Variants in KMT5B observed in about 807,000 individuals in gnomAD.
KMT5B encodes the protein histone-lysine N-methyltransferase KMT5B.
Under a neutral mutation model 83.2 loss-of-function variants are expected in KMT5B, and 10 were observed. The observed-to-expected ratio is 0.12, with a 90% CI of 0.07 to 0.20. The LOEUF (loss-of-function observed/expected upper bound fraction) is 0.20, where lower values mean the gene tolerates loss of function less well. Ranked by LOEUF, KMT5B falls within the 10% of genes least tolerant of loss-of-function variation. KMT5B has a pLI of 1.00. For missense variants in KMT5B, 753 were observed against 1,067.2 expected, an observed-to-expected ratio of 0.71 and a Z score of 4.10; for synonymous variants, 349 against 388.8, an observed-to-expected ratio of 0.90 and a Z score of 1.20.
chr11:68,203,861 G>A (rs193283532), intron 1 of KMT5B, among the ~76,000 whole-genome samples: 396 of 151,730 alleles, frequency 2.6e-3, no homozygotes, highest in Non-Finnish European at 4.3e-3. Flanking sequence ...GAGCTGTCAC[G>A]CTAATTCAAA....
In KMT5B at chr11:68,158,498, T is replaced by C. The variant is rs922405902; in HGVS notation, c.1848A>G (p.Gln616=). 6.2e-7 allele frequency: 1 copy of C among 1,614,098 alleles called. No homozygotes were observed. Among genetic ancestry groups the C allele is most frequent in the Non-Finnish European group, 8.5e-7 (1 of 1,180,038 alleles). Reference sequence around the variant, plus strand: ...TTGCAAACTGTTTCACAAGTTTTCCTTGTCGTGACTTCTTTTTGGACATGC... The same window carrying C: ...TTGCAAACTGTTTCACAAGTTTTCCCTGTCGTGACTTCTTTTTGGACATGC... ...DTGMSKKKSR[Q]GKLVKQFAKI... Residue 616 remains glutamine, a synonymous_variant, in exon 11 of 11, where the codon CAA becomes CAG. Coordinates refer to ENST00000304363, the MANE Select transcript of KMT5B (RefSeq NM_017635.5).
chr11:68,201,918 C>CAAAAAAAAAAA (rs779662280), intron 1 of KMT5B, among the ~76,000 whole-genome samples: 1 of 82,936 alleles, frequency 1.2e-5, no homozygotes, highest in Non-Finnish European at 2.5e-5. Flanking sequence ...CAGTCTCTAC[C>CAAAAAAAAAAA]AAAAAAAAAA....
At chr11:68,188,399 C>A (rs1443007326) in intron 2 of KMT5B, among the ~76,000 whole-genome samples, 1 of 151,096 alleles carries the variant, frequency 6.6e-6, no homozygotes, top group East Asian at 1.9e-4. Context: ...TGCTGGAGTG[C>A]AGTGGTGTGA....
At chr11:68,186,068 A>T in intron 2 of KMT5B, 140 bp from the exon 3 acceptor site, 1 of 743,770 alleles carries the variant, frequency 1.3e-6, no homozygotes, top group Non-Finnish European at 2.1e-6. Context: ...GAATTTAATA[A>T]CCTTTGCATA....
At chr11:68,205,137 A>G (rs1859929013) in intron 1 of KMT5B, among the ~76,000 whole-genome samples, 2 of 147,232 alleles carry the variant, frequency 1.4e-5, no homozygotes, top group South Asian at 4.2e-4. Context: ...TGAGACCCTC[A>G]TCTCTACCAA....
chr11:68,158,552 C>A lies in KMT5B; in HGVS notation c.1794G>T (p.Gly598=). 1 of 1,614,194 alleles carries A rather than the reference C, an allele frequency of 6.2e-7. No individual in the cohort carries two copies. The highest frequency in any genetic ancestry group is 1.1e-5 in the South Asian group (1 of 91,080). Residue 598 remains glycine, a synonymous_variant, in exon 11 of 11, where the codon GGG becomes GGT. Transcript: ENST00000304363. ...TGTCACTCTTATGACACTTTGCCTC[C>A]CCTTTTTGTGCAGTCTCATGAGCCA... is the stretch of plus-strand genomic sequence containing the variant. ...EELAHETAQK[G]EAKCHKSDTG...
rs967990015 is a variant in KMT5B, at chr11:68,169,148, T to C, written c.977+1867A>G. Among the ~76,000 whole-genome samples, 3 of 152,252 alleles carry C rather than the reference T, an allele frequency of 2.0e-5. No individual in the cohort carries two copies. The South Asian group carries it at 6.2e-4, about 32-fold the overall frequency. The stretch of plus-strand genomic sequence containing the variant: ...AGGACTTACACACGTTTCTATCTAC[T>C]TCTCACACTAACCTTGTGGAGTAGG... On this transcript the variant is annotated intron_variant, in intron 9 of 10. Transcript: ENST00000304363.
At chr11:68,180,090 G>A in intron 4 of KMT5B, 42 bp downstream of exon 4, 1 of 1,546,310 alleles carries the variant, frequency 6.5e-7, no homozygotes, top group East Asian at 2.4e-5. Flanking sequence ...AGGCTAGAAT[G>A]GGTTAGTCAG....
chr11:68,212,939 C>A (rs1240823767), intron 1 of KMT5B, among the ~76,000 whole-genome samples, 199 bp downstream of exon 1: 5 of 145,434 alleles, frequency 3.4e-5, no homozygotes, highest in African/African-American at 2.5e-5. Context: ...CACTGCAGGC[C>A]CCGCGCCGGC....
At chr11:68,164,517 T>G (rs1855138326) in intron 10 of KMT5B, among the ~76,000 whole-genome samples, 1 of 152,214 alleles carries the variant, frequency 6.6e-6, no homozygotes, top group South Asian at 2.1e-4. Context: ...AGAACGCATG[T>G]AAGAACTCAA....
intron 1 of KMT5B, among the ~76,000 whole-genome samples, chr11:68,198,415 A>T (rs1451179784): frequency 1.3e-5 from 2 of 150,970 alleles, no homozygotes; most frequent in African/African-American, 4.9e-5. Flanking sequence ...AGAGGAAAGA[A>T]GATGAAGGAA....
intron 4 of KMT5B, 122 bp from the exon 5 acceptor site, chr11:68,175,305 T>C (rs1856246648): frequency 2.9e-6 from 2 of 684,888 alleles, no homozygotes; most frequent in Non-Finnish European, 4.8e-6. Flanking sequence ...AGAGCAAAGA[T>C]CTAAGAGAAG....
chr11:68,180,759 G>T (rs958198090), intron 3 of KMT5B, among the ~76,000 whole-genome samples: 2 of 152,106 alleles, frequency 1.3e-5, no homozygotes, highest in African/African-American at 4.8e-5. Context: ...CAAAAAGGGG[G>T]CATTACTGAA....
In KMT5B at chr11:68,173,793, A is replaced by G; in HGVS notation, c.653+11T>C. ...AATTAAATTAAAGGCTTATACTAGTAGAATAGTTACCACTCTTTTGTTGCA... is the reference window on the plus strand; with the variant it reads ...AATTAAATTAAAGGCTTATACTAGTGGAATAGTTACCACTCTTTTGTTGCA... On this transcript the variant is annotated intron_variant, in intron 6 of 10. Coordinates refer to ENST00000304363, the MANE Select transcript of KMT5B (RefSeq NM_017635.5). The G allele has an allele frequency of 6.8e-7, 1 of 1,468,330 alleles. No individual in the cohort carries two copies. The highest frequency in any genetic ancestry group is 9.4e-7 in the Non-Finnish European group (1 of 1,058,858). 91.0% of individuals were successfully genotyped at this position (1,468,330 alleles called of 1,614,324 possible).
At chr11:68,189,783 A>G in intron 2 of KMT5B, 134 bp downstream of exon 2, 1 of 792,770 alleles carries the variant, frequency 1.3e-6, no homozygotes, top group Admixed American at 2.8e-5. Context: ...TTGAGAGTAA[A>G]AAGACTATAT....
At chr11:68,205,923 C>T (rs374540123) in intron 1 of KMT5B, among the ~76,000 whole-genome samples, 5 of 152,066 alleles carry the variant, frequency 3.3e-5, no homozygotes, top group Non-Finnish European at 7.4e-5. Flanking sequence ...CCCGGCCAGA[C>T]GTTCGCAATT....
At position 68,167,128 on chromosome 11, in the gene KMT5B, G is replaced by A; in HGVS notation, c.1028C>T (p.Pro343Leu). The A allele has an allele frequency of 6.2e-7, 1 of 1,613,846 alleles. No homozygotes were observed. The highest frequency in any genetic ancestry group is 1.3e-5 in the African/African-American group (1 of 75,032). ...KSRVGLPAPA[P>L]VINSKYGLRE... ...GAGTCCATATTTGCTATTGATAACAGGAGCAGGCGCAGGCAGTCCCACTCT... is the reference window on the plus strand; with the variant it reads ...GAGTCCATATTTGCTATTGATAACAAGAGCAGGCGCAGGCAGTCCCACTCT... The change falls in exon 10 of 11, where the codon CCT becomes CTT. Residue 343 changes from proline to leucine, a missense_variant. By Grantham distance (98) the Pro-to-Leu change is moderately conservative. Around this residue, in one of 9 missense-constraint regions of KMT5B, gnomAD observed 16 missense variants for 16.1 expected, o/e 0.99. Coordinates refer to ENST00000304363, the MANE Select transcript of KMT5B (RefSeq NM_017635.5).
At chr11:68,199,776 C>A (rs1859191643) in intron 1 of KMT5B, among the ~76,000 whole-genome samples, 1 of 152,192 alleles carries the variant, frequency 6.6e-6, no homozygotes, top group Admixed American at 6.5e-5. Context: ...GTGGCTGCAG[C>A]AGCAGAGGTG....
intron 1 of KMT5B, among the ~76,000 whole-genome samples, chr11:68,212,369 A>G (rs760243695): frequency 4.9e-4 from 74 of 152,280 alleles, no homozygotes; most frequent in Non-Finnish European, 9.4e-4. Flanking sequence ...TTAACTTCAA[A>G]GAACACATGT....
Sources: allele counts gnomAD v4.1 joint callset (sites outside exome capture counted in the v4.1 genomes callset), GRCh38; gene constraint gnomAD v4.1.1; regional missense constraint gnomAD v4.1.1; transcripts MANE v1.5; gene names NCBI Gene and HGNC (gene_info 2026-07-23, HGNC 2026-07-21).